Variants in MSRA observed in about 807,000 individuals in gnomAD.
MSRA encodes the protein mitochondrial peptide methionine sulfoxide reductase.
Under a neutral mutation model 31.3 loss-of-function variants are expected in MSRA, and 54 were observed. The ratio of observed to expected loss-of-function variants is 1.73; its 90% CI spans 1.39 to 2.17. MSRA has a LOEUF of 2.17. MSRA is among the 30% of genes most tolerant of loss of function. The pLI, the probability that MSRA is intolerant of heterozygous loss-of-function variation, is 0.00. For missense variants in MSRA, 507 were observed against 300.9 expected (o/e 1.69, Z -5.07); for synonymous variants, 169 against 116.5 (o/e 1.45, Z -2.90).
At chr8:10,094,680 C>A (rs1799032267) in intron 1 of MSRA, among the ~76,000 whole-genome samples, 1 of 152,184 alleles carries the variant, frequency 6.6e-6, no homozygotes, top group Non-Finnish European at 1.5e-5. Flanking sequence ...GTTCAAGCAT[C>A]ATAGGTAAAA....
chr8:10,116,152 C>G (rs1325089066), intron 1 of MSRA, among the ~76,000 whole-genome samples: 2 of 152,208 alleles, frequency 1.3e-5, no homozygotes, highest in Non-Finnish European at 2.9e-5. Flanking sequence ...CACTAAAACT[C>G]AAGTTAGATT....
At chr8:10,164,107 C>T (rs919000265) in intron 1 of MSRA, among the ~76,000 whole-genome samples, 2 of 152,212 alleles carry the variant, frequency 1.3e-5, no homozygotes, top group Non-Finnish European at 1.5e-5. Flanking sequence ...TTTTTAAAAC[C>T]GCATACTTAC....
At chr8:10,240,190 G>A (rs866784986) in intron 2 of MSRA, among the ~76,000 whole-genome samples, 32 of 152,294 alleles carry the variant, frequency 2.1e-4, no homozygotes, top group African/African-American at 5.8e-4. Flanking sequence ...CATGGAAGGG[G>A]CCCGGTGTAA....
At chr8:10,225,937 G>C (rs1448467532) in intron 2 of MSRA, among the ~76,000 whole-genome samples, 1 of 152,242 alleles carries the variant, frequency 6.6e-6, no homozygotes, top group East Asian at 1.9e-4. Context: ...AAAGACGTAA[G>C]GTGTAAATGA....
intron 1 of MSRA, among the ~76,000 whole-genome samples, chr8:10,086,719 T>C (rs973555313): frequency 7.1e-6 from 1 of 140,620 alleles, no homozygotes; most frequent in Non-Finnish European, 1.5e-5. Context: ...TCTAACCTCA[T>C]ATTTCACACA....
At chr8:10,074,821 G>C (rs1797924468) in intron 1 of MSRA, among the ~76,000 whole-genome samples, 1 of 152,042 alleles carries the variant, frequency 6.6e-6, no homozygotes, top group Non-Finnish European at 1.5e-5. Flanking sequence ...ACCATGCCTG[G>C]CTAATTTTTA....
At chr8:10,356,908 AAAT>A (rs139883436) in intron 5 of MSRA, among the ~76,000 whole-genome samples, 41,613 of 140,302 alleles carry the variant, frequency 0.3, 6,559 homozygotes, top group Non-Finnish European at 0.34. Context: ...AAAAAAAAAA[AAAT>A]ATATGTGTCT....
rs1344470932 is a variant in MSRA at position 10,301,634 on chromosome 8, C to G, written c.432C>G (p.Thr144=). Reference sequence around the variant, plus strand: ...TCTTCTGGGAGAATCACGACCCGACCCAAGGTAGAGTGATGAGTGAGCCAG... The same window carrying G: ...TCTTCTGGGAGAATCACGACCCGACGCAAGGTAGAGTGATGAGTGAGCCAG... ...LKVFWENHDP[T]QGMRQGNDHG... Residue 144 remains threonine (T), a synonymous_variant, in exon 4 of 6, where the codon ACC becomes ACG. Transcript: ENST00000317173. The G allele has an allele frequency of 6.2e-7, 1 of 1,612,560 alleles. No homozygotes were observed. The highest frequency in any genetic ancestry group is 8.5e-7 in the Non-Finnish European group (1 of 1,179,010).
intron 4 of MSRA, among the ~76,000 whole-genome samples, chr8:10,310,494 C>G (rs1211545427): frequency 6.6e-6 from 1 of 152,198 alleles, no homozygotes; most frequent in Non-Finnish European, 1.5e-5. Flanking sequence ...TTCTATTTAA[C>G]ATTTTTCCTT....
intron 5 of MSRA, among the ~76,000 whole-genome samples, chr8:10,360,869 C>T (rs963818740): frequency 4.6e-5 from 7 of 152,138 alleles, no homozygotes; most frequent in Admixed American, 1.3e-4. Flanking sequence ...CTTTGGAGTT[C>T]ATGCCTGCCA....
Position 10,195,704 on chromosome 8 carries a change from C to G in MSRA, c.143-12129C>G, listed in dbSNP as rs117703194. ...ATCTATGTTTATATCTACAATGATT[C>G]CTCTTTTCTTCTTAAAGTCACATAT... On this transcript the variant is annotated intron_variant, in intron 1 of 5. Transcript: ENST00000317173. Among the ~76,000 whole-genome samples the G allele has an allele frequency of 2.0e-5, 3 of 152,272 alleles. No individual in the cohort carries two copies. The East Asian group carries it at 5.8e-4, about 29-fold the overall frequency.
At chr8:10,224,280 G>A (rs1264003004) in intron 2 of MSRA, among the ~76,000 whole-genome samples, 1 of 152,168 alleles carries the variant, frequency 6.6e-6, no homozygotes, top group East Asian at 1.9e-4. Context: ...CTATGGAAAT[G>A]ATAGGATCAT....
intron 1 of MSRA, among the ~76,000 whole-genome samples, chr8:10,133,642 C>T (rs1454530226): frequency 6.6e-6 from 1 of 152,178 alleles, no homozygotes; most frequent in African/African-American, 2.4e-5. Flanking sequence ...ACCTACATCA[C>T]AGGGTTATTG....
intron 2 of MSRA, among the ~76,000 whole-genome samples, chr8:10,211,426 A>G (rs1809485234): frequency 6.6e-6 from 1 of 152,082 alleles, no homozygotes; most frequent in African/African-American, 2.4e-5. Context: ...TTGGACAATG[A>G]GAACGAAGGT....
intron 1 of MSRA, among the ~76,000 whole-genome samples, chr8:10,116,329 A>T (rs955121748): frequency 6.6e-6 from 1 of 152,196 alleles, no homozygotes; most frequent in African/African-American, 2.4e-5. Flanking sequence ...TCTTCTTCCA[A>T]TATGGCGCAG....
intron 1 of MSRA, among the ~76,000 whole-genome samples, chr8:10,131,666 C>T (rs1436554671): frequency 2.0e-5 from 3 of 152,186 alleles, no homozygotes; most frequent in African/African-American, 7.2e-5. Flanking sequence ...CTGGGAAGCT[C>T]TCCATACCCT....
intron 3 of MSRA, among the ~76,000 whole-genome samples, chr8:10,259,053 G>A (rs1215767621): frequency 1.3e-5 from 2 of 151,580 alleles, no homozygotes; most frequent in Non-Finnish European, 2.9e-5. Flanking sequence ...GTTGCCGTGA[G>A]CTGAGATCTT....
intron 2 of MSRA, among the ~76,000 whole-genome samples, chr8:10,208,836 G>A (rs890087324): frequency 6.6e-6 from 1 of 152,222 alleles, no homozygotes; most frequent in Admixed American, 6.5e-5. Context: ...CTCTGGTCTT[G>A]ATGGTAATCT....
intron 1 of MSRA, among the ~76,000 whole-genome samples, chr8:10,178,275 A>G (rs546782870): frequency 1.3e-5 from 2 of 152,268 alleles, no homozygotes; most frequent in African/African-American, 4.8e-5. Context: ...GTAAAAATCA[A>G]ATGAATCTGA....
Sources: allele counts gnomAD v4.1 joint callset (sites outside exome capture counted in the v4.1 genomes callset), GRCh38; gene constraint gnomAD v4.1.1; transcripts MANE v1.5; gene names NCBI Gene and HGNC (gene_info 2026-07-23, HGNC 2026-07-21).